NPIPB11: variants seen among roughly 807,000 people sequenced by gnomAD.
NPIPB11 encodes nuclear pore complex-interacting protein family member B11.
A neutral mutation model predicts 32.8 loss-of-function variants in NPIPB11; 17 were observed. That is an observed-to-expected ratio of 0.52 (90% CI 0.35 to 0.78). The LOEUF is 0.78. Ranked by LOEUF, NPIPB11 falls within the 30% of genes least tolerant of loss-of-function variation. The probability of loss-of-function intolerance (pLI) is 0.01; values close to 1 mark genes in which losing one functional copy is unlikely to be tolerated. For synonymous variants in NPIPB11, 209 were observed against 398.4 expected (o/e 0.52, Z 5.66); for missense variants, 537 against 1,000.4 (o/e 0.54, Z 6.25).
intron 2 of NPIPB11, among the ~76,000 whole-genome samples, chr16:29,396,772 A>C (rs1313993312): frequency 6.6e-6 from 1 of 150,484 alleles, no homozygotes; most frequent in Admixed American, 6.6e-5. Flanking sequence ...AAAAATAAAT[A>C]AATAAATAAA....
chr16:29,389,151 T>A (rs1462056002), intron 5 of NPIPB11, among the ~76,000 whole-genome samples: 1 of 143,638 alleles, frequency 7.0e-6, no homozygotes, highest in Non-Finnish European at 1.5e-5. Context: ...GCCAAGATCA[T>A]GCCACTGCAC....
At position 29,383,397 on chromosome 16, in the gene NPIPB11, TCC is replaced by T; in HGVS notation, c.1533_1534del (p.Asp512Ter). 2 of 170,904 alleles carry T rather than the reference TCC, an allele frequency of 1.2e-5. No individual in the cohort carries two copies. Among genetic ancestry groups the T allele is most frequent in the East Asian group, 2.1e-4 (2 of 9,530 alleles). 10.6% of individuals were successfully genotyped at this position (170,904 alleles called of 1,614,324 possible). ...CTCAGAAGGTGTCTTGAGATTATCA[TCC>T]GCTGAGGGTGGAAGCGGCCCCCGCA... On this transcript the variant is annotated frameshift_variant, in exon 8 of 8. Transcript: ENST00000524087. LOFTEE classifies it low-confidence loss of function (END_TRUNC).
At position 29,397,848 on chromosome 16, in the gene NPIPB11, G is replaced by A. The variant is rs1398488925; in HGVS notation, c.121-3772C>T. On this transcript the variant is annotated intron_variant, in intron 2 of 7. Transcript: ENST00000524087. ...GGGGGCTGTTGGGCACCTGGAGGAGGAGAAGAAGAAAGGGGTCTGGGAAAG... is the reference window on the plus strand; with the variant it reads ...GGGGGCTGTTGGGCACCTGGAGGAGAAGAAGAAGAAAGGGGTCTGGGAAAG... Among the ~76,000 whole-genome samples, 4 of 68,880 alleles carry A rather than the reference G, an allele frequency of 5.8e-5. 1 individual carries two copies. Among genetic ancestry groups the A allele is most frequent in the Non-Finnish European group, 1.0e-4 (4 of 39,522 alleles). The allele number at this position is 68,880 out of a possible 152,430, so 45.2% of individuals were successfully genotyped here.
upstream of NPIPB11, among the ~76,000 whole-genome samples, chr16:29,406,344 G>A (rs1964113728): frequency 6.6e-6 from 1 of 152,288 alleles, no homozygotes; most frequent in African/African-American, 2.4e-5. Context: ...TCCAAAAATT[G>A]CATACATTTA....
chr16:29,397,294 G>C (rs1459929171), intron 2 of NPIPB11, among the ~76,000 whole-genome samples: 3 of 151,840 alleles, frequency 2.0e-5, no homozygotes, highest in African/African-American at 7.3e-5. Context: ...GCAACGTCCA[G>C]CTCCTGGGCC....
chr16:29,389,829 C>G, intron 5 of NPIPB11, 112 bp downstream of exon 5: 2 of 1,557,798 alleles, frequency 1.3e-6, no homozygotes, highest in Non-Finnish European at 1.7e-6. Flanking sequence ...CAATTTTGAA[C>G]CTACTGAATT....
intron 5 of NPIPB11, among the ~76,000 whole-genome samples, chr16:29,388,918 C>T (rs1008962179): frequency 3.9e-5 from 5 of 128,748 alleles, no homozygotes; most frequent in South Asian, 2.9e-4. Flanking sequence ...AAAATTGGGC[C>T]GGGCACGGTG....
chr16:29,393,462 C>T (rs1244385676), intron 3 of NPIPB11, among the ~76,000 whole-genome samples: 2 of 152,134 alleles, frequency 1.3e-5, no homozygotes, highest in Non-Finnish European at 1.5e-5. Flanking sequence ...CTTTAAGCAT[C>T]AACCACCCGG....
exon 8 of NPIPB11, chr16:29,383,355 AGGG>A: frequency 7.2e-7 from 1 of 1,394,538 alleles, no homozygotes. Context: ...TGAGGGTGGA[AGGG>A]GAGTGAGCTG....
chr16:29,394,608 T>A (rs928908967), intron 2 of NPIPB11, among the ~76,000 whole-genome samples: 2 of 151,570 alleles, frequency 1.3e-5, no homozygotes, highest in Non-Finnish European at 3.0e-5. Flanking sequence ...CTCATTTTTG[T>A]ATTTTTAGTA....
chr16:29,399,860 C>T (rs1271931028), intron 2 of NPIPB11, among the ~76,000 whole-genome samples: 19 of 152,020 alleles, frequency 1.2e-4, no homozygotes, highest in East Asian at 3.9e-4. Context: ...AGGCGCATCA[C>T]GAGGTTAGGA....
chr16:29,386,593 C>T (rs1963594465), intron 5 of NPIPB11, among the ~76,000 whole-genome samples: 1 of 127,048 alleles, frequency 7.9e-6, no homozygotes, highest in Middle Eastern at 4.4e-3. Context: ...AACAACTCAC[C>T]CCACCCCTAG....
At chr16:29,400,685 G>T (rs1963967575) in intron 2 of NPIPB11, among the ~76,000 whole-genome samples, 1 of 151,880 alleles carries the variant, frequency 6.6e-6, no homozygotes, top group Non-Finnish European at 1.5e-5. Context: ...AAGAATGAGG[G>T]TCTGGGCACT....
rs145131733 is a variant in NPIPB11 at position 29,391,688 on chromosome 16, C to G, written c.250-1340G>C. ...GCAATGCAAATCCCATCTCAGATGT[C>G]GGTCAGATACCTATGAATCTCCTGA... is the stretch of plus-strand genomic sequence containing the variant. On this transcript the variant is annotated intron_variant, in intron 3 of 7. Coordinates refer to ENST00000524087, the Ensembl canonical transcript of NPIPB11. Among the ~76,000 whole-genome samples, 335 of 152,206 alleles carry G rather than the reference C, an allele frequency of 2.2e-3. 2 individuals carry two copies. The highest frequency in any genetic ancestry group is 0.01 in the Middle Eastern group (3 of 294).
intron 2 of NPIPB11, among the ~76,000 whole-genome samples, chr16:29,397,990 T>G (rs1470238275): frequency 1.7e-4 from 15 of 88,580 alleles, no homozygotes; most frequent in African/African-American, 2.2e-4. Flanking sequence ...TAGGAGCAAT[T>G]AGAGGGAGAC....
At chr16:29,397,878 C>A (rs1214317313) in intron 2 of NPIPB11, among the ~76,000 whole-genome samples, 4 of 71,684 alleles carry the variant, frequency 5.6e-5, no homozygotes, top group Admixed American at 5.1e-4. Context: ...GGAAAGGATC[C>A]GGTTCAAATT....
chr16:29,383,212 G>T (rs766961229), exon 8 of NPIPB11: 1 of 1,567,584 alleles, frequency 6.4e-7, no homozygotes, highest in Non-Finnish European at 8.7e-7. Flanking sequence ...TCTGCTGAGG[G>T]TGGAGCTGAG....
At chr16:29,405,512 A>AT (rs1306450764), upstream of NPIPB11, among the ~76,000 whole-genome samples, 1 of 152,140 alleles carries the variant, frequency 6.6e-6, no homozygotes, top group Non-Finnish European at 1.5e-5. Context: ...CCCACACATT[A>AT]TTACACTTAA....
intron 2 of NPIPB11, among the ~76,000 whole-genome samples, chr16:29,399,565 G>C (rs1963940133): frequency 6.6e-6 from 1 of 150,498 alleles, no homozygotes; most frequent in Non-Finnish European, 1.5e-5. Context: ...CGGGTGTGGT[G>C]GTGGGCGCCT....
Sources: allele counts gnomAD v4.1 joint callset (sites outside exome capture counted in the v4.1 genomes callset), GRCh38; gene constraint gnomAD v4.1.1; transcripts MANE v1.5; gene names NCBI Gene and HGNC (gene_info 2026-07-23, HGNC 2026-07-21).